FAM20C: variants seen among roughly 807,000 people sequenced by gnomAD.
FAM20C encodes the protein FAM20C golgi associated secretory pathway kinase.
Under a neutral mutation model 51.5 loss-of-function variants are expected in FAM20C, and 40 were observed. The ratio of observed to expected loss-of-function variants is 0.78; its 90% CI spans 0.60 to 1.01. The LOEUF is 1.01. Ranked by LOEUF, FAM20C falls within the 50% of genes least tolerant of loss-of-function variation. The pLI, the probability that FAM20C is intolerant of heterozygous loss-of-function variation, is 0.00. For missense variants in FAM20C, 861 were observed against 844.7 expected, an observed-to-expected ratio of 1.02 and a Z score of -0.24; for synonymous variants, 406 against 380.6, an observed-to-expected ratio of 1.07 and a Z score of -0.78.
chr7:229,088 G>C (rs1583315863), intron 3 of FAM20C: 1 of 329,568 alleles, frequency 3.0e-6, no homozygotes, highest in Non-Finnish European at 5.9e-6. Context: ...TCTAGGACCA[G>C]AAGCAGGGAA....
rs1788695873 is a variant in FAM20C at position 258,160 on chromosome 7, G to GTGGGGTGGACC, written c.1446-486_1446-485insTGGGGTGGACC. Among the ~76,000 whole-genome samples the GTGGGGTGGACC allele has an allele frequency of 5.4e-5, 6 of 111,112 alleles. 1 individual carries two copies. The highest frequency in any genetic ancestry group is 2.6e-4 in the African/African-American group (6 of 23,512). 72.9% of individuals were successfully genotyped at this position (111,112 alleles called of 152,430 possible). Reference sequence around the variant, plus strand: ...CCACTGACTGGGGTGCTGGAGATAGGCAGGGTGGACCCACTGCCTGAGGTG... The same window carrying GTGGGGTGGACC: ...CCACTGACTGGGGTGCTGGAGATAGGTGGGGTGGACCCAGGGTGGACCCACTGCCTGAGGTG... On this transcript the variant is annotated intron_variant, in intron 8 of 9. Coordinates refer to ENST00000313766, the MANE Select transcript of FAM20C (RefSeq NM_020223.4).
chr7:213,121 A>G lies in FAM20C; in HGVS notation c.863+4145A>G, dbSNP rs34969637. On this transcript the variant is annotated intron_variant, in intron 3 of 9. Transcript: ENST00000313766. Reference sequence around the variant, plus strand: ...AAGGCTCTGGAGTCCTGCAGTGTGTAGTCCTTTGTGAGTGACATGGAGGGC... The same window carrying G: ...AAGGCTCTGGAGTCCTGCAGTGTGTGGTCCTTTGTGAGTGACATGGAGGGC... Among the ~76,000 whole-genome samples, 556 of 66,444 alleles carry G rather than the reference A, an allele frequency of 8.4e-3. 4 individuals carry two copies. The highest frequency in any genetic ancestry group is 0.027 in the African/African-American group (420 of 15,686). The allele number at this position is 66,444 out of a possible 152,430, so 43.6% of individuals were successfully genotyped here. A position where few individuals can be genotyped will look rare whatever the true frequency, so the allele number is the denominator to read the frequency against.
intron 8 of FAM20C, among the ~76,000 whole-genome samples, chr7:258,393 C>A (rs1441784749): frequency 9.4e-5 from 10 of 106,674 alleles, no homozygotes; most frequent in Non-Finnish European, 1.3e-4. Context: ...GGACCCACTG[C>A]CCGGGATGCT....
intron 3 of FAM20C, among the ~76,000 whole-genome samples, chr7:213,534 A>G (rs903840002): frequency 9.2e-5 from 14 of 152,002 alleles, no homozygotes; most frequent in Non-Finnish European, 4.4e-5. Context: ...ATGGCTAAGT[A>G]ATATTCCAAG....
At chr7:237,629 G>T (rs1444358081) in intron 3 of FAM20C, among the ~76,000 whole-genome samples, 1 of 151,922 alleles carries the variant, frequency 6.6e-6, no homozygotes, top group South Asian at 2.1e-4. Flanking sequence ...GATGATGGTA[G>T]CAATGACGGT....
Position 260,291 on chromosome 7 carries a change from A to C in FAM20C, c.*311A>C, listed in dbSNP as rs1434719059. The C allele has an allele frequency of 3.4e-6, 1 of 290,874 alleles. No individual in the cohort carries two copies. Among genetic ancestry groups the C allele is most frequent in the East Asian group, 6.1e-5 (1 of 16,354 alleles). The allele number at this position is 290,874 out of a possible 1,614,324, so 18.0% of individuals were successfully genotyped here. On this transcript the variant is annotated 3_prime_UTR_variant, in exon 10 of 10. Transcript: ENST00000313766. ...ATTTTGTATTTATATTTGATGAATA[A>C]GTATATAAACAGAGACGTGTACACA...
intron 5 of FAM20C, among the ~76,000 whole-genome samples, chr7:251,519 CAA>C (rs748298637): frequency 7.3e-6 from 1 of 137,308 alleles, no homozygotes; most frequent in Admixed American, 7.3e-5. Flanking sequence ...GACCCCGTCT[CAA>C]AAAAAAAAAA....
rs369907681 is a variant in FAM20C at position 195,551 on chromosome 7, C to T, written c.606-3C>T. The T allele has an allele frequency of 1.6e-5, 25 of 1,564,458 alleles. No homozygotes were observed. The African/African-American group carries it at 3.0e-4, about 19-fold the overall frequency. On this transcript the variant is annotated splice_region_variant and splice_polypyrimidine_tract_variant and intron_variant, in intron 1 of 9. Coordinates refer to ENST00000313766, the MANE Select transcript of FAM20C (RefSeq NM_020223.4). ...TGATGTTCGTCCTCGCTGCTCCCTG[C>T]AGGCCGCATGCGGGTGCTGAAGGTG...
intron 3 of FAM20C, among the ~76,000 whole-genome samples, chr7:218,703 T>A (rs918644370): frequency 2.0e-5 from 3 of 152,190 alleles, no homozygotes; most frequent in African/African-American, 7.2e-5. Flanking sequence ...CCAATGCTTA[T>A]TGATTAGTAT....
chr7:243,719 C>A (rs1184084530), intron 3 of FAM20C, among the ~76,000 whole-genome samples: 2 of 118,202 alleles, frequency 1.7e-5, no homozygotes, highest in Non-Finnish European at 3.4e-5. Flanking sequence ...ACCCAAGAGA[C>A]CTGTGCCACC....
rs144201916 is a variant in FAM20C at position 248,192 on chromosome 7, A to T, written c.957-123A>T. Reference sequence around the variant, plus strand: ...TGGGTTTATTCGGAGGCAGGGACACAGAGGCCCGCTGAGCCGCACAGAGCA... The same window carrying T: ...TGGGTTTATTCGGAGGCAGGGACACTGAGGCCCGCTGAGCCGCACAGAGCA... On this transcript the variant is annotated intron_variant, in intron 4 of 9. Coordinates refer to ENST00000313766, the MANE Select transcript of FAM20C (RefSeq NM_020223.4). 0.019 allele frequency: 12,386 copies of T among 653,370 alleles called. 263 individuals are homozygous for T. Among genetic ancestry groups the T allele is most frequent in the East Asian group, 0.082 (2,896 of 35,394 alleles). 40.5% of individuals were successfully genotyped at this position (653,370 alleles called of 1,614,324 possible).
rs1785611144 is a variant in FAM20C at position 192,649 on chromosome 7, C to G, written c.-551C>G. On this transcript the variant is annotated 5_prime_UTR_variant, in exon 1 of 10. Coordinates refer to ENST00000313766, the MANE Select transcript of FAM20C (RefSeq NM_020223.4). ...GGACCCCGCCGGCCGCTCCCCGCGC[C>G]CACCCCTTCCGCCCTTCGCCCCCCC... Among the ~76,000 whole-genome samples, 2 of 149,566 alleles carry G rather than the reference C, an allele frequency of 1.3e-5. No homozygotes were observed. The highest frequency in any genetic ancestry group is 1.3e-4 in the Admixed American group (2 of 15,080).
At chr7:252,431 T>C (rs143774368) in intron 5 of FAM20C, among the ~76,000 whole-genome samples, 1,665 of 128,612 alleles carry the variant, frequency 0.013, 31 homozygotes, top group African/African-American at 0.046. Flanking sequence ...GAGGCCCTGC[T>C]GGAGCCCAGA....
intron 2 of FAM20C, chr7:197,266 C>T (rs1785918862): frequency 6.0e-6 from 1 of 167,000 alleles, no homozygotes; most frequent in Non-Finnish European, 1.5e-5. Flanking sequence ...GCACAGTGCC[C>T]GATCCTGAGG....
intron 3 of FAM20C, among the ~76,000 whole-genome samples, chr7:213,378 G>T (rs1341108993): frequency 2.0e-5 from 3 of 152,030 alleles, no homozygotes; most frequent in Non-Finnish European, 4.4e-5. Flanking sequence ...TGACATGGAG[G>T]GCTCTGGAGT....
At chr7:224,124 G>T (rs1370415314) in intron 3 of FAM20C, among the ~76,000 whole-genome samples, 1 of 149,632 alleles carries the variant, frequency 6.7e-6, no homozygotes, top group Non-Finnish European at 1.5e-5. Context: ...GAGCAGAACG[G>T]CACCCTCACG....
intron 3 of FAM20C, among the ~76,000 whole-genome samples, chr7:231,146 T>A (rs1304613086): frequency 6.6e-6 from 1 of 151,940 alleles, no homozygotes; most frequent in Non-Finnish European, 1.5e-5. Flanking sequence ...CATCCAAGCA[T>A]CAGGAAGGCT....
chr7:208,926 G>A lies in FAM20C; in HGVS notation c.813G>A (p.Lys271=). The change falls in exon 3 of 10, where the codon AAG becomes AAA. Residue 271 remains lysine, a synonymous_variant. Coordinates refer to ENST00000313766, the MANE Select transcript of FAM20C (RefSeq NM_020223.4). ...TGAAGTCGGGGGGCACGCAGCTGAAGCTCATCATGACCTTCCAGAATTACG... is the reference window on the plus strand; with the variant it reads ...TGAAGTCGGGGGGCACGCAGCTGAAACTCATCATGACCTTCCAGAATTACG... ...VAMKSGGTQL[K]LIMTFQNYGQ... 1 of 1,583,296 alleles carries A rather than the reference G, an allele frequency of 6.3e-7. No homozygotes were observed. Among genetic ancestry groups the A allele is most frequent in the Non-Finnish European group, 8.6e-7 (1 of 1,164,750 alleles).
At chr7:228,979 A>G in intron 3 of FAM20C, 1 of 378,574 alleles carries the variant, frequency 2.6e-6, no homozygotes, top group Non-Finnish European at 5.3e-6. Context: ...CAGGGTGAGT[A>G]GCGACACCAG....
Sources: gnomAD v4.1 joint callset for allele counts (sites outside exome capture counted in the v4.1 genomes callset) on GRCh38, gnomAD v4.1.1 for gene constraint, MANE v1.5 for transcripts, NCBI Gene and HGNC (gene_info 2026-07-23, HGNC 2026-07-21) for gene names.